OTOGL: variants seen among roughly 807,000 people sequenced by gnomAD.
OTOGL encodes otogelin like, also known as otogelin-like protein.
OTOGL carries 285 observed loss-of-function variants against 318.5 expected under a neutral mutation model. The observed-to-expected ratio is 0.89, with a 90% CI of 0.81 to 0.99. The LOEUF (loss-of-function observed/expected upper bound fraction) is 0.99, where lower values mean the gene tolerates loss of function less well. OTOGL is among the 50% of genes least tolerant of loss of function. OTOGL has a pLI of 0.00. For missense variants in OTOGL, 2,899 were observed against 2,845.6 expected, an observed-to-expected ratio of 1.02 and a Z score of -0.43; for synonymous variants, 987 against 936.5, an observed-to-expected ratio of 1.05 and a Z score of -0.99.
At chr12:80,363,873 A>G (rs1039132945) in intron 52 of OTOGL, among the ~76,000 whole-genome samples, 3 of 152,048 alleles carry the variant, frequency 2.0e-5, no homozygotes, top group East Asian at 1.9e-4. Flanking sequence ...CTCTATGTTC[A>G]TACATTAACC....
At chr12:80,190,738 G>C (rs1875625201) in intron 1 of OTOGL, among the ~76,000 whole-genome samples, 1 of 136,346 alleles carries the variant, frequency 7.3e-6, no homozygotes. Context: ...AGTGAGCCGG[G>C]ATAGCGCCAC....
chr12:80,183,687 G>A (rs1192342010), intron 1 of OTOGL, among the ~76,000 whole-genome samples: 2 of 152,224 alleles, frequency 1.3e-5, no homozygotes, highest in African/African-American at 4.8e-5. Context: ...GAGCTTTAGA[G>A]CATCAAGATT....
chr12:80,147,729 C>G (rs975256169), intron 1 of OTOGL, among the ~76,000 whole-genome samples: 4 of 152,136 alleles, frequency 2.6e-5, no homozygotes, highest in Non-Finnish European at 4.4e-5. Flanking sequence ...CTTTATGAAT[C>G]TGGGTGCTCC....
chr12:80,132,743 A>G (rs1042812212), intron 1 of OTOGL: 3 of 152,232 alleles, frequency 2.0e-5, no homozygotes, highest in Non-Finnish European at 4.4e-5. Context: ...TCTAAAATGT[A>G]AAGATTGTCT....
At chr12:80,155,090 G>A (rs761242950) in intron 1 of OTOGL, among the ~76,000 whole-genome samples, 3 of 152,084 alleles carry the variant, frequency 2.0e-5, no homozygotes, top group Non-Finnish European at 4.4e-5. Flanking sequence ...CTTTGGTGAG[G>A]TGTTCCTTAA....
At chr12:80,282,173 A>G (rs1460211546) in intron 26 of OTOGL, among the ~76,000 whole-genome samples, 1 of 151,922 alleles carries the variant, frequency 6.6e-6, no homozygotes, top group African/African-American at 2.4e-5. Flanking sequence ...AAGTCACACA[A>G]GAATAAACAA....
chr12:80,217,202 A>T (rs778806439), intron 4 of OTOGL, among the ~76,000 whole-genome samples: 1 of 152,040 alleles, frequency 6.6e-6, no homozygotes, highest in Non-Finnish European at 1.5e-5. Flanking sequence ...TCTGCAGGCA[A>T]AGCAGTCAAT....
rs755326652 is a variant in OTOGL at position 80,271,762 on chromosome 12, C to T, written c.2633C>T (p.Thr878Ile). ...TGTGCAAACCTAGCCATGAACTTCA[C>T]CTGCACCCCATCCTCACCCTGTATA... is the stretch of plus-strand genomic sequence containing the variant. Reference protein sequence around the residue: ...TTCANLAMNFTCTPSSPCISG... With the variant: ...TTCANLAMNFICTPSSPCISG... Residue 878 changes from threonine (T) to isoleucine (I), a missense_variant, in exon 24 of 59, where the codon ACC becomes ATC. Around this residue, in one of 3 missense-constraint regions of OTOGL, gnomAD observed 2,607 missense variants for 2,524.9 expected, o/e 1.03. Transcript: ENST00000547103. 15 of 1,613,026 alleles carry T rather than the reference C, an allele frequency of 9.3e-6. No individual in the cohort carries two copies. In the South Asian group the frequency reaches 1.5e-4, roughly 17 times the overall value.
chr12:80,224,104 A>G (rs79118919), intron 7 of OTOGL, among the ~76,000 whole-genome samples: 1 of 152,162 alleles, frequency 6.6e-6, no homozygotes, highest in Non-Finnish European at 1.5e-5. Context: ...TGATTTTTGT[A>G]TAAAGTGAGA....
At chr12:80,148,371 G>A (rs1481032750) in intron 1 of OTOGL, among the ~76,000 whole-genome samples, 1 of 149,582 alleles carries the variant, frequency 6.7e-6, no homozygotes, top group Non-Finnish European at 1.5e-5. Flanking sequence ...TAAGAATGTT[G>A]AATATTGGCC....
Position 80,278,234 on chromosome 12 carries a change from G to A in OTOGL, c.2748G>A (p.Glu916=), listed in dbSNP as rs1208849071. 2 of 1,546,624 alleles carry A rather than the reference G, an allele frequency of 1.3e-6. No individual in the cohort carries two copies. Among genetic ancestry groups the A allele is most frequent in the South Asian group, 2.4e-5 (2 of 83,904 alleles). The change falls in exon 25 of 59, where the codon GAG becomes GAA. Residue 916 remains glutamate (E), a synonymous_variant. Transcript: ENST00000547103. The part of the protein sequence containing the change: ...ESCPCIWKDW[E]YLSGEVIATP... ...GCCCATGTATTTGGAAAGATTGGGA[G>A]TATCTCTCAGGAGAAGTGATTGCTA...
Position 80,217,645 on chromosome 12 carries a change from G to C in OTOGL, c.216G>C (p.Trp72Cys), listed in dbSNP as rs1877872082. 1.9e-6 allele frequency: 3 copies of C among 1,550,936 alleles called. No homozygotes were observed. Among genetic ancestry groups the C allele is most frequent in the African/African-American group, 2.7e-5 (2 of 74,162 alleles). Reference protein sequence around the residue: ...PRYFFHDAINWGESKIKGSCP... With the variant: ...PRYFFHDAINCGESKIKGSCP... ...ACTTTTTCCATGATGCTATTAATTG[G>C]GGTGAGAGCAAAATAAAAGGTCAGT... The change falls in exon 5 of 59, where the codon TGG becomes TGC. Residue 72 changes from tryptophan (W) to cysteine (C), a missense_variant. Coordinates refer to ENST00000547103, the MANE Select transcript of OTOGL (RefSeq NM_001378609.3).
At chr12:80,151,420 A>G (rs1194868384) in intron 1 of OTOGL, among the ~76,000 whole-genome samples, 1 of 152,142 alleles carries the variant, frequency 6.6e-6, no homozygotes, top group African/African-American at 2.4e-5. Context: ...AGCACTTAAA[A>G]CATTCTGAAA....
chr12:80,319,567 C>T (rs1887193356), intron 33 of OTOGL, among the ~76,000 whole-genome samples: 1 of 152,046 alleles, frequency 6.6e-6, no homozygotes, highest in African/African-American at 2.4e-5. Context: ...ATTTATTATT[C>T]TTGGCATCTT....
At chr12:80,314,433 A>T in intron 32 of OTOGL, 102 bp downstream of exon 32, 1 of 366,138 alleles carries the variant, frequency 2.7e-6, no homozygotes, top group Non-Finnish European at 4.7e-6. Flanking sequence ...AACTATAAAT[A>T]GTTCATAACT....
At chr12:80,355,220 CTTTCT>C (rs573807656) in intron 46 of OTOGL, among the ~76,000 whole-genome samples, 21,410 of 96,104 alleles carry the variant, frequency 0.22, 2,404 homozygotes, top group Middle Eastern at 0.48. Context: ...TTCTTTCTTT[CTTTCT>C]TTTCTTTTTT....
At position 80,239,333 on chromosome 12, in the gene OTOGL, G is replaced by T. The variant is rs201362149; in HGVS notation, c.946G>T (p.Ala316Ser). ...PCSSGMPAFEAIFFKCQILLQ... is the reference protein window; with the variant it reads ...PCSSGMPAFESIFFKCQILLQ... ...GTGACTGCCATCTTTTTTTGCACAG[G>T]CAATCTTCTTCAAGTGTCAGATACT... is the stretch of plus-strand genomic sequence containing the variant. Residue 316 changes from alanine (A) to serine (S), a missense_variant and splice_region_variant, in exon 11 of 59, where the codon GCA (alanine) becomes TCA (serine). Ala to Ser is a moderately conservative substitution (Grantham distance 99). This residue lies in a region of OTOGL where 2,607 missense variants were observed against 2,524.9 expected (regional missense o/e 1.03). Coordinates refer to ENST00000547103, the MANE Select transcript of OTOGL (RefSeq NM_001378609.3). 1 of 1,596,006 alleles carries T rather than the reference G, an allele frequency of 6.3e-7. No individual in the cohort carries two copies. The highest frequency in any genetic ancestry group is 8.6e-7 in the Non-Finnish European group (1 of 1,169,472).
chr12:80,249,659 C>T (rs918130244), intron 11 of OTOGL, among the ~76,000 whole-genome samples: 5 of 152,146 alleles, frequency 3.3e-5, no homozygotes, highest in Non-Finnish European at 7.3e-5. Flanking sequence ...CCTACAGAGG[C>T]AGGTAGGCCT....
chr12:80,352,437 G>C lies in OTOGL; in HGVS notation c.5407+1G>C. 1 of 1,544,338 alleles carries C rather than the reference G, an allele frequency of 6.5e-7. No individual in the cohort carries two copies. The highest frequency in any genetic ancestry group is 8.7e-7 in the Non-Finnish European group (1 of 1,155,328). ...CAGTGGAGAACACCTGATTACTGCT[G>C]TGAGTAACTGTTAACTGAATATTTT... On this transcript the variant is annotated splice_donor_variant, in intron 45 of 58. Coordinates refer to ENST00000547103, the MANE Select transcript of OTOGL (RefSeq NM_001378609.3). LOFTEE classifies it high-confidence loss of function.
Sources: gnomAD v4.1 joint callset for allele counts (sites outside exome capture counted in the v4.1 genomes callset) on GRCh38, gnomAD v4.1.1 for gene constraint, gnomAD v4.1.1 regional missense constraint, MANE v1.5 for transcripts, NCBI Gene and HGNC (gene_info 2026-07-23, HGNC 2026-07-21) for gene names.